GALNT16: variants seen among roughly 807,000 people sequenced by gnomAD.
The protein encoded by GALNT16 is polypeptide N-acetylgalactosaminyltransferase 16.
GALNT16 carries 40 observed loss-of-function variants against 76.1 expected under a neutral mutation model. That is an observed-to-expected ratio of 0.53 (90% confidence interval 0.41 to 0.68). The LOEUF (loss-of-function observed/expected upper bound fraction) is 0.68, where lower values mean the gene tolerates loss of function less well. GALNT16 is among the 30% of genes least tolerant of loss of function. The pLI, the probability that GALNT16 is intolerant of heterozygous loss-of-function variation, is 0.00. For missense variants in GALNT16, 621 were observed against 731.9 expected (o/e 0.85, Z 1.75); for synonymous variants, 276 against 285.2 (o/e 0.97, Z 0.32).
At position 69,347,912 on chromosome 14, in the gene GALNT16, G is replaced by A; in HGVS notation, c.1449G>A (p.Gln483=). 1 of 1,613,968 alleles carries A rather than the reference G, an allele frequency of 6.2e-7. No homozygotes were observed. Among genetic ancestry groups the A allele is most frequent in the Non-Finnish European group, 8.5e-7 (1 of 1,179,972 alleles). Residue 483 remains glutamine (Q), a synonymous_variant, in exon 14 of 15, where the codon CAG becomes CAA. Transcript: ENST00000448469. ...WLFSDHLIQQ[Q]GKCLAATSTL... ...TCAGTGACCACCTCATCCAGCAGCA[G>A]GGGAAGTGCCTGGCTGCCACCTCCA...
At chr14:69,382,310 T>C in the GALNT16 span, among the ~76,000 whole-genome samples, 1 of 152,250 alleles carries the variant, frequency 6.6e-6, no homozygotes, top group Non-Finnish European at 1.5e-5. Context: ...GAAAACTCTT[T>C]GTCCATGCTT....
At chr14:69,385,124 C>T in the GALNT16 span, among the ~76,000 whole-genome samples, 5 of 152,166 alleles carry the variant, frequency 3.3e-5, no homozygotes, top group African/African-American at 9.7e-5. Context: ...GTCATTCAGT[C>T]GTTGCTGTTG....
chr14:69,264,796 TA>T (rs1363752775), intron 1 of GALNT16, among the ~76,000 whole-genome samples: 2 of 142,372 alleles, frequency 1.4e-5, no homozygotes, highest in African/African-American at 5.5e-5. Flanking sequence ...TTTCTTTTTT[TA>T]TTTTCTCTTT....
chr14:69,339,800 C>T (rs1021138826), intron 11 of GALNT16, among the ~76,000 whole-genome samples, 181 bp downstream of exon 11: 6 of 152,218 alleles, frequency 3.9e-5, no homozygotes, highest in African/African-American at 1.2e-4. Flanking sequence ...AGACCTTAGG[C>T]TTTGAGGAGC....
At chr14:69,376,066 TCA>T in the GALNT16 span, among the ~76,000 whole-genome samples, 1 of 152,122 alleles carries the variant, frequency 6.6e-6, no homozygotes, top group African/African-American at 2.4e-5. Context: ...AGATACTGTC[TCA>T]CTCTGCTATC....
chr14:69,299,712 G>C (rs1462627617), intron 1 of GALNT16, among the ~76,000 whole-genome samples: 1 of 152,190 alleles, frequency 6.6e-6, no homozygotes, highest in African/African-American at 2.4e-5. Context: ...CTGCCTCCCA[G>C]AGCCCTAGCC....
the GALNT16 span, among the ~76,000 whole-genome samples, chr14:69,371,906 T>C: frequency 5.3e-5 from 8 of 152,102 alleles, no homozygotes; most frequent in African/African-American, 1.9e-4. Flanking sequence ...ATCGTGCCAC[T>C]GCACTCCAGC....
In GALNT16 at chr14:69,283,659, C is replaced by G. The variant is rs1164925992; in HGVS notation, c.177+23192C>G. Among the ~76,000 whole-genome samples, 4 of 152,248 alleles carry G rather than the reference C, an allele frequency of 2.6e-5. No homozygotes were observed. The East Asian group carries it at 7.7e-4, about 29-fold the overall frequency. On this transcript the variant is annotated intron_variant, in intron 1 of 14. Transcript: ENST00000448469. ...GCTCTATCACTTACTAGCTGTGTGA[C>G]CTCAGGCAAGTTACTTAACCTCTCT...
chr14:69,287,726 C>T (rs149777635), intron 1 of GALNT16, among the ~76,000 whole-genome samples: 582 of 152,312 alleles, frequency 3.8e-3, no homozygotes, highest in Non-Finnish European at 6.1e-3. Flanking sequence ...ACACGGAGCC[C>T]GCCTTTCCTA....
intron 13 of GALNT16, 122 bp from the exon 14 acceptor site, chr14:69,347,755 C>G: frequency 9.9e-7 from 1 of 1,014,962 alleles, no homozygotes; most frequent in Non-Finnish European, 1.5e-6. Context: ...TACCCTAGCT[C>G]CTACAATTAT....
At chr14:69,364,974 G>A in the GALNT16 span, among the ~76,000 whole-genome samples, 2 of 152,340 alleles carry the variant, frequency 1.3e-5, no homozygotes, top group Non-Finnish European at 2.9e-5. This position sits in a 1 kb window ranked among gnomAD's most constrained non-coding sequence, Gnocchi z 4.2. Context: ...TCAAGGTTCA[G>A]AGATGTTGTG....
chr14:69,336,732 T>A (rs1397133832), intron 9 of GALNT16, among the ~76,000 whole-genome samples: 2 of 152,042 alleles, frequency 1.3e-5, no homozygotes, highest in Non-Finnish European at 2.9e-5. Context: ...ATTTTATTTA[T>A]TTATTTATTT....
the GALNT16 span, among the ~76,000 whole-genome samples, chr14:69,369,868 T>C: frequency 6.6e-5 from 10 of 152,096 alleles, no homozygotes; most frequent in Non-Finnish European, 1.0e-4. Flanking sequence ...CTGGGGAAGA[T>C]TGTAGAGATG....
At chr14:69,320,093 A>T (rs1671532) in intron 1 of GALNT16, among the ~76,000 whole-genome samples, 1 of 152,060 alleles carries the variant, frequency 6.6e-6, no homozygotes, top group Admixed American at 6.5e-5. Context: ...TCACCCCCCC[A>T]ATATCCCGCA....
intron 1 of GALNT16, among the ~76,000 whole-genome samples, chr14:69,295,233 G>A (rs534449838): frequency 3.3e-5 from 5 of 151,950 alleles, no homozygotes; most frequent in South Asian, 4.2e-4. Context: ...GGGCAACATG[G>A]GGAAACCCTG....
At chr14:69,317,920 C>T (rs573703306) in intron 1 of GALNT16, among the ~76,000 whole-genome samples, 24 of 152,274 alleles carry the variant, frequency 1.6e-4, no homozygotes, top group Middle Eastern at 6.8e-3. Context: ...GGAAGTAGAA[C>T]GGCTCTGGGT....
chr14:69,326,287 T>C (rs185347327), intron 5 of GALNT16, among the ~76,000 whole-genome samples: 7 of 152,336 alleles, frequency 4.6e-5, no homozygotes, highest in Admixed American at 3.9e-4. Flanking sequence ...CTTTCTGCCT[T>C]GCAAGGTGAT....
At chr14:69,359,798 TG>T (rs2045713090), downstream of GALNT16, among the ~76,000 whole-genome samples, 1 of 151,998 alleles carries the variant, frequency 6.6e-6, no homozygotes, top group Non-Finnish European at 1.5e-5. Context: ...GAGGCCGCGG[TG>T]GGCAATCACA....
upstream of GALNT16, chr14:69,260,042 G>T (rs2044238729): frequency 4.5e-6 from 2 of 448,794 alleles, no homozygotes; most frequent in South Asian, 2.7e-5. Context: ...CCGGCCCTGC[G>T]CACGAATGAA....
Sources: allele counts gnomAD v4.1 joint callset (sites outside exome capture counted in the v4.1 genomes callset), GRCh38; gene constraint gnomAD v4.1.1; non-coding constraint Gnocchi (gnomAD v3.1); transcripts MANE v1.5; gene names NCBI Gene and HGNC (gene_info 2026-07-23, HGNC 2026-07-21).